The following PBRM1 variants were observed in gnomAD, a reference collection of about 807,000 sequenced individuals.
PBRM1 encodes polybromo 1.
Under a neutral mutation model 194.5 loss-of-function variants are expected in PBRM1, and 27 were observed. The observed-to-expected ratio is 0.14, with a 90% CI of 0.10 to 0.19. PBRM1 has a LOEUF of 0.19. Ranked by LOEUF, PBRM1 falls within the 10% of genes least tolerant of loss-of-function variation. The pLI, the probability that PBRM1 is intolerant of heterozygous loss-of-function variation, is 1.00. For synonymous variants in PBRM1, 655 were observed against 693.2 expected (o/e 0.94, Z 0.87); for missense variants, 1,466 against 2,077.2 (o/e 0.71, Z 5.72).
intron 29 of PBRM1, among the ~76,000 whole-genome samples, chr3:52,548,838 A>G (rs1361065954): frequency 6.6e-6 from 1 of 152,198 alleles, no homozygotes; most frequent in East Asian, 1.9e-4. Flanking sequence ...TTCTACTCTA[A>G]AGAAATGAAA....
intron 16 of PBRM1, among the ~76,000 whole-genome samples, chr3:52,605,899 G>A (rs1187086241): frequency 2.6e-5 from 4 of 151,972 alleles, no homozygotes; most frequent in Admixed American, 1.3e-4. Flanking sequence ...CACTGTGTCC[G>A]GCCTTGGAAA....
At chr3:52,546,560 T>C, downstream of PBRM1, 1 of 230,250 alleles carries the variant, frequency 4.3e-6, no homozygotes, top group Non-Finnish European at 8.6e-6. Flanking sequence ...AACATCTGGG[T>C]ACTGATTCAT....
intron 22 of PBRM1, among the ~76,000 whole-genome samples, chr3:52,564,581 C>CT (rs2084542365): frequency 2.0e-5 from 3 of 151,350 alleles, no homozygotes; most frequent in Admixed American, 6.6e-5. Flanking sequence ...AAGTCTGAGT[C>CT]TGAGGCTACA....
chr3:52,607,602 G>A (rs772829639), intron 16 of PBRM1, among the ~76,000 whole-genome samples: 1 of 152,204 alleles, frequency 6.6e-6, no homozygotes, highest in Non-Finnish European at 1.5e-5. Context: ...AAGCAGGGAG[G>A]AGAGGAAGGG....
intron 18 of PBRM1, among the ~76,000 whole-genome samples, chr3:52,588,548 CTTTCTTTTT>C (rs2092679783): frequency 7.3e-6 from 1 of 136,784 alleles, no homozygotes; most frequent in Non-Finnish European, 1.6e-5. Flanking sequence ...AGCTGTATTT[CTTTCTTTTT>C]TTTTTTTTTT....
chr3:52,600,614 AACTTTGAATTATTTTCC>A, intron 17 of PBRM1, among the ~76,000 whole-genome samples: 1 of 152,184 alleles, frequency 6.6e-6, no homozygotes, highest in East Asian at 1.9e-4. Context: ...TCTTGTATCA[AACTTTGAATTATTTTCC>A]TGGAATCTGA....
chr3:52,663,215 TATG>T (rs1356907985), intron 3 of PBRM1, among the ~76,000 whole-genome samples: 1 of 152,212 alleles, frequency 6.6e-6, no homozygotes, highest in East Asian at 1.9e-4. Context: ...GGCATTTATT[TATG>T]ATAAAACCAA....
At chr3:52,584,450 CTTTTTTTTTTTT>C (rs397989611) in intron 20 of PBRM1, among the ~76,000 whole-genome samples, 1 of 60,750 alleles carries the variant, frequency 1.6e-5, no homozygotes, top group Non-Finnish European at 2.7e-5. Flanking sequence ...AGTATTCTTG[CTTTTTTTTTTTT>C]TTTTTTTTTT....
intron 13 of PBRM1, among the ~76,000 whole-genome samples, chr3:52,620,581 G>A (rs1173164790): frequency 6.6e-6 from 1 of 152,130 alleles, no homozygotes; most frequent in Non-Finnish European, 1.5e-5. Flanking sequence ...TTTTATAAGA[G>A]GAGAGAAAGT....
chr3:52,546,240 G>T (rs2079660750), downstream of PBRM1: 2 of 232,684 alleles, frequency 8.6e-6, no homozygotes, highest in African/African-American at 4.4e-5. Context: ...CATGTTCTTT[G>T]GTGTAATTCA....
At chr3:52,684,716 C>CA in intron 1 of PBRM1, 1 of 152,318 alleles carries the variant, frequency 6.6e-6, no homozygotes, top group Non-Finnish European at 1.5e-5. Context: ...CATATAGATA[C>CA]ACCACAATTT....
chr3:52,664,412 GAAAA>G (rs58727570), intron 3 of PBRM1, among the ~76,000 whole-genome samples: 2 of 101,182 alleles, frequency 2.0e-5, no homozygotes, highest in Admixed American at 1.1e-4. Flanking sequence ...TGAAAGAACT[GAAAA>G]AAAAAAAAAA....
At chr3:52,629,443 C>T (rs1471296607) in intron 11 of PBRM1, among the ~76,000 whole-genome samples, 1 of 151,938 alleles carries the variant, frequency 6.6e-6, no homozygotes, top group African/African-American at 2.4e-5. Context: ...GGTGATCTAC[C>T]CATTTCTGAA....
At chr3:52,657,162 G>C (rs2096622592) in intron 5 of PBRM1, among the ~76,000 whole-genome samples, 1 of 152,138 alleles carries the variant, frequency 6.6e-6, no homozygotes, top group African/African-American at 2.4e-5. Flanking sequence ...AGTGGACTTG[G>C]TGTTTAATGG....
intron 10 of PBRM1, among the ~76,000 whole-genome samples, chr3:52,635,460 G>A (rs2095773948): frequency 6.6e-6 from 1 of 152,046 alleles, no homozygotes; most frequent in Non-Finnish European, 1.5e-5. Flanking sequence ...CAGCTACTCA[G>A]GAGGCTGAGG....
chr3:52,659,039 G>A (rs561381491), intron 4 of PBRM1, among the ~76,000 whole-genome samples: 1 of 152,302 alleles, frequency 6.6e-6, no homozygotes, highest in Admixed American at 6.5e-5. Flanking sequence ...CTTACATAGA[G>A]TTGGGACTAC....
At chr3:52,547,945 A>T, downstream of PBRM1, 1 of 763,568 alleles carries the variant, frequency 1.3e-6, no homozygotes, top group Non-Finnish European at 2.1e-6. Context: ...CTTGTGATGT[A>T]CAGTAAAATG....
chr3:52,669,942 T>A (rs2096914058), intron 2 of PBRM1, among the ~76,000 whole-genome samples: 1 of 152,112 alleles, frequency 6.6e-6, no homozygotes, highest in South Asian at 2.1e-4. Flanking sequence ...TATTGAGAAA[T>A]CAGAGAAAAA....
intron 29 of PBRM1, among the ~76,000 whole-genome samples, 193 bp downstream of exon 31, chr3:52,550,228 C>T (rs2153366061): frequency 6.6e-6 from 1 of 152,068 alleles, no homozygotes; most frequent in Admixed American, 6.5e-5. Flanking sequence ...AAAAACAAAA[C>T]AAAACAAAAC....
Sources: gnomAD v4.1 joint callset for allele counts (sites outside exome capture counted in the v4.1 genomes callset) on GRCh38, gnomAD v4.1.1 for gene constraint, MANE v1.5 for transcripts, NCBI Gene and HGNC (gene_info 2026-07-23, HGNC 2026-07-21) for gene names.